FBXO11: variants seen among roughly 807,000 people sequenced by gnomAD.
FBXO11 encodes F-box only protein 11.
FBXO11 carries 13 observed loss-of-function variants against 117.0 expected under a neutral mutation model. That is an observed-to-expected ratio of 0.11 (90% CI 0.07 to 0.18). The LOEUF is 0.18. Among genes scored for constraint, FBXO11 ranks in the 10% least tolerant of loss-of-function variants. The pLI is 1.00. For missense variants in FBXO11, 767 were observed against 1,164.4 expected, an observed-to-expected ratio of 0.66 and a Z score of 4.97; for synonymous variants, 490 against 380.5, an observed-to-expected ratio of 1.29 and a Z score of -3.35.
intron 18 of FBXO11, 152 bp downstream of exon 18, chr2:47,813,082 G>T: frequency 1.3e-6 from 1 of 789,278 alleles, no homozygotes; most frequent in Non-Finnish European, 2.2e-6. Context: ...CTTAACTCTA[G>T]GCACTAATCT....
intron 1 of FBXO11, among the ~76,000 whole-genome samples, chr2:47,853,339 A>T (rs1052669483): frequency 6.6e-6 from 1 of 152,110 alleles, no homozygotes; most frequent in African/African-American, 2.4e-5. Flanking sequence ...CACAGTGCTG[A>T]GATTACAGGC....
intron 1 of FBXO11, among the ~76,000 whole-genome samples, chr2:47,860,511 A>T (rs1441535527): frequency 6.6e-6 from 1 of 151,760 alleles, no homozygotes; most frequent in Non-Finnish European, 1.5e-5. Context: ...CCCAGGTTCA[A>T]GCAATTCTCC....
At position 47,884,453 on chromosome 2, in the gene FBXO11, T is replaced by C. The variant is rs148647198; in HGVS notation, c.232+21036A>G. ...TAGCTTCTGTCCCTTTCGGATGTTT[T>C]TGATAGCCCTCAAATAACATAATCT... On this transcript the variant is annotated intron_variant, in intron 1 of 22. Transcript: ENST00000403359. Among the ~76,000 whole-genome samples the C allele has an allele frequency of 1.5e-3, 224 of 152,336 alleles. 1 individual carries two copies. The highest frequency in any genetic ancestry group is 4.9e-3 in the African/African-American group (203 of 41,582).
At chr2:47,848,356 C>A (rs1558439188) in intron 1 of FBXO11, among the ~76,000 whole-genome samples, 1 of 152,124 alleles carries the variant, frequency 6.6e-6, no homozygotes. Flanking sequence ...CTATTGTGAA[C>A]TGCACATGCG....
At chr2:47,836,859 T>C (rs1476793956) in intron 4 of FBXO11, 5 of 313,526 alleles carry the variant, frequency 1.6e-5, no homozygotes, top group East Asian at 1.3e-4. Context: ...TCATGGCTCA[T>C]TGCAGCCTTA....
chr2:47,845,168 T>C (rs554934184), intron 1 of FBXO11, among the ~76,000 whole-genome samples: 25 of 139,778 alleles, frequency 1.8e-4, no homozygotes, highest in African/African-American at 6.2e-4. Flanking sequence ...CTGGAATCCT[T>C]TGCTTCTCAC....
In FBXO11 at chr2:47,905,753, GAC is replaced by G. The variant is rs760388446; in HGVS notation, c.-35_-34del. ...GCTGAGGTGGCGGCGTTGGCGGAGG[GAC>G]ACACACACGCACACGCACAGCGAGC... On this transcript the variant is annotated 5_prime_UTR_variant, in exon 1 of 23. Transcript: ENST00000403359. 1.7e-5 allele frequency: 23 copies of G among 1,355,768 alleles called. No individual in the cohort carries two copies. The East Asian group carries it at 1.8e-4, about 10-fold the overall frequency. The allele number at this position is 1,355,768 out of a possible 1,614,324, so 84.0% of individuals were successfully genotyped here.
intron 4 of FBXO11, 55 bp downstream of exon 4, chr2:47,838,804 A>G: frequency 6.5e-7 from 1 of 1,550,086 alleles, no homozygotes; most frequent in Admixed American, 1.8e-5. Context: ...CATGTTTAGC[A>G]TTTTGGGCAA....
chr2:47,815,063 C>T (rs1357932268), intron 16 of FBXO11, among the ~76,000 whole-genome samples: 1 of 152,218 alleles, frequency 6.6e-6, no homozygotes, highest in Non-Finnish European at 1.5e-5. Flanking sequence ...TCTACCACGT[C>T]TGGAATTAGT....
intron 11 of FBXO11, among the ~76,000 whole-genome samples, chr2:47,831,427 G>GA (rs920107554): frequency 0.014 from 890 of 65,736 alleles, 5 homozygotes; most frequent in East Asian, 0.051. Context: ...GTCTCAAAAA[G>GA]AAAAAAAAAA....
At chr2:47,866,598 C>G (rs773282132) in intron 1 of FBXO11, among the ~76,000 whole-genome samples, 1 of 151,904 alleles carries the variant, frequency 6.6e-6, no homozygotes, top group African/African-American at 2.4e-5. Context: ...CTCAGCCTCC[C>G]GAGTAGCTAG....
rs762337434 is a variant in FBXO11 at position 47,832,429 on chromosome 2, T to C, written c.1318A>G (p.Asn440Asp). ...CGTCTAATAATTGGGTTTCCATGAT[T>C]TTTAACCCAAATCCCAGCTAACGCA... ...NNALAGIWVKNHGNPIIRRNH... is the reference protein window; with the variant it reads ...NNALAGIWVKDHGNPIIRRNH... Residue 440 changes from asparagine to aspartate, a missense_variant, in exon 11 of 23, where the codon AAT becomes GAT. By Grantham distance (23) the Asn-to-Asp change is conservative (BLOSUM62 1). Transcript: ENST00000403359. 1 of 1,613,862 alleles carries C rather than the reference T, an allele frequency of 6.2e-7. No individual in the cohort carries two copies. Among genetic ancestry groups the C allele is most frequent in the Non-Finnish European group, 8.5e-7 (1 of 1,179,874 alleles).
chr2:47,814,915 C>T (rs1670903319), intron 16 of FBXO11, among the ~76,000 whole-genome samples: 1 of 152,178 alleles, frequency 6.6e-6, no homozygotes. Flanking sequence ...TCAACAGGAA[C>T]AGACCCCACC....
chr2:47,903,849 G>A (rs1171075190), intron 1 of FBXO11, among the ~76,000 whole-genome samples: 2 of 152,126 alleles, frequency 1.3e-5, no homozygotes, highest in African/African-American at 2.4e-5. Context: ...CGGAACATCA[G>A]AAGAACACTG....
At chr2:47,845,651 T>A (rs1673352912) in intron 1 of FBXO11, among the ~76,000 whole-genome samples, 1 of 152,206 alleles carries the variant, frequency 6.6e-6, no homozygotes, top group South Asian at 2.1e-4. Context: ...TTAGCTGCCT[T>A]ATGTTATACT....
chr2:47,847,360 G>A (rs1023524750), intron 1 of FBXO11, among the ~76,000 whole-genome samples: 1 of 152,214 alleles, frequency 6.6e-6, no homozygotes, highest in African/African-American at 2.4e-5. Flanking sequence ...GTAGACAATT[G>A]TAACACAATG....
intron 1 of FBXO11, among the ~76,000 whole-genome samples, chr2:47,888,998 G>C (rs924223589): frequency 6.6e-6 from 1 of 152,096 alleles, no homozygotes; most frequent in Non-Finnish European, 1.5e-5. Context: ...GTAATTATAT[G>C]AACACACCTT....
At chr2:47,836,347 G>GT (rs944025609) in intron 4 of FBXO11, among the ~76,000 whole-genome samples, 5 of 152,118 alleles carry the variant, frequency 3.3e-5, no homozygotes, top group Non-Finnish European at 7.4e-5. Context: ...TTTCAGTGTA[G>GT]TTGCATATGG....
chr2:47,807,840 G>T lies in FBXO11; in HGVS notation c.*278C>A. 3.3e-6 allele frequency: 1 copy of T among 304,234 alleles called. No homozygotes were observed. The highest frequency in any genetic ancestry group is 4.6e-5 in the Admixed American group (1 of 21,838). The allele number at this position is 304,234 out of a possible 1,614,324, so 18.8% of individuals were successfully genotyped here. A position where few individuals can be genotyped will look rare whatever the true frequency, so the allele number is the denominator to read the frequency against. ...TAGTTGTAAAAACACCAGCTTTTCA[G>T]AAGTTGGTATCTGTACAAAATTGCA... On this transcript the variant is annotated 3_prime_UTR_variant, in exon 23 of 23. Coordinates refer to ENST00000403359, the MANE Select transcript of FBXO11 (RefSeq NM_001190274.2).
Sources: gnomAD v4.1 joint callset for allele counts (sites outside exome capture counted in the v4.1 genomes callset) on GRCh38, gnomAD v4.1.1 for gene constraint, MANE v1.5 for transcripts, NCBI Gene and HGNC (gene_info 2026-07-23, HGNC 2026-07-21) for gene names.